ATG7: variants seen among roughly 807,000 people sequenced by gnomAD.
The protein encoded by ATG7 is ubiquitin-like modifier-activating enzyme ATG7.
In ATG7, 70 loss-of-function variants were observed where a neutral mutation model predicts 82.4. That is an observed-to-expected ratio of 0.85 (90% CI 0.70 to 1.04). ATG7 has a LOEUF of 1.04. Among genes scored for constraint, ATG7 ranks in the 50% least tolerant of loss-of-function variants. The probability of loss-of-function intolerance (pLI) is 0.00; values close to 1 mark genes in which losing one functional copy is unlikely to be tolerated. For missense variants in ATG7, 792 were observed against 864.3 expected, an observed-to-expected ratio of 0.92 and a Z score of 1.05; for synonymous variants, 287 against 313.0, an observed-to-expected ratio of 0.92 and a Z score of 0.88.
intron 18 of ATG7, 81 bp from the exon 19 acceptor site, chr3:11,379,888 CTTG>C (rs1388264930): frequency 9.9e-5 from 134 of 1,350,830 alleles, no homozygotes; most frequent in East Asian, 8.3e-4. Flanking sequence ...TCATTTCCTA[CTTG>C]TTGTCAGAAA....
At chr3:11,383,265 T>C (rs540187074) in intron 19 of ATG7, among the ~76,000 whole-genome samples, 11 of 152,192 alleles carry the variant, frequency 7.2e-5, no homozygotes, top group Non-Finnish European at 8.8e-5. Context: ...CATCTTTCTT[T>C]ATCTTTCTTA....
At chr3:11,318,462 C>A (rs918064936) in intron 9 of ATG7, among the ~76,000 whole-genome samples, 1 of 152,206 alleles carries the variant, frequency 6.6e-6, no homozygotes, top group African/African-American at 2.4e-5. Context: ...TAGGAAAGAT[C>A]ACCAGAAGCC....
the ATG7 span, chr3:11,565,135 T>C: frequency 9.3e-7 from 1 of 1,075,000 alleles, no homozygotes; most frequent in South Asian, 2.4e-5. The surrounding 1 kb of genome is among the most constrained non-coding windows in gnomAD (Gnocchi z 4.1). Flanking sequence ...GCTCAGGTCG[T>C]GTGGCTGGGC....
intron 20 of ATG7, among the ~76,000 whole-genome samples, chr3:11,511,990 C>T (rs2092088434): frequency 1.3e-5 from 2 of 152,196 alleles, no homozygotes; most frequent in African/African-American, 4.8e-5. Flanking sequence ...TCCACACCTC[C>T]CTGCAAGCTG....
intron 9 of ATG7, among the ~76,000 whole-genome samples, chr3:11,316,428 C>T (rs1212546034): frequency 6.6e-6 from 1 of 152,226 alleles, no homozygotes; most frequent in Non-Finnish European, 1.5e-5. Flanking sequence ...CTTCCTAAAA[C>T]ATGTTCTACT....
intron 20 of ATG7, among the ~76,000 whole-genome samples, chr3:11,494,995 C>T (rs1364540246): frequency 1.3e-5 from 2 of 152,218 alleles, no homozygotes; most frequent in African/African-American, 2.4e-5. Context: ...TCGCTTGAAC[C>T]TGGGAGGTGG....
downstream of ATG7, among the ~76,000 whole-genome samples, chr3:11,562,624 C>T (rs978853190): frequency 2.0e-5 from 3 of 152,238 alleles, no homozygotes; most frequent in Non-Finnish European, 4.4e-5. Context: ...GAGCCCAGCT[C>T]GGATTGGTGT....
intron 11 of ATG7, among the ~76,000 whole-genome samples, chr3:11,338,686 A>G (rs893854884): frequency 6.6e-6 from 1 of 152,184 alleles, no homozygotes; most frequent in Non-Finnish European, 1.5e-5. Context: ...TTAATTTTTC[A>G]TGGCATTAAA....
chr3:11,521,967 T>C (rs1180799556), intron 20 of ATG7, among the ~76,000 whole-genome samples: 2 of 152,206 alleles, frequency 1.3e-5, no homozygotes, highest in Non-Finnish European at 2.9e-5. Flanking sequence ...CTCAACTCTT[T>C]ATGCCGTTGG....
the ATG7 span, among the ~76,000 whole-genome samples, chr3:11,563,737 C>T: frequency 6.6e-6 from 1 of 152,204 alleles, no homozygotes; most frequent in Non-Finnish European, 1.5e-5. Flanking sequence ...CTGGTACCCC[C>T]TGGCACACAG....
intron 20 of ATG7, among the ~76,000 whole-genome samples, chr3:11,467,759 C>T (rs754933719): frequency 6.6e-6 from 1 of 152,146 alleles, no homozygotes; most frequent in African/African-American, 2.4e-5. Flanking sequence ...CTGTCTACCA[C>T]CCCAGCCCCA....
intron 20 of ATG7, among the ~76,000 whole-genome samples, chr3:11,483,087 A>G (rs959500016): frequency 1.3e-5 from 2 of 152,178 alleles, no homozygotes; most frequent in African/African-American, 4.8e-5. Flanking sequence ...ATGCAAAATT[A>G]TCAGCTATTG....
intron 20 of ATG7, among the ~76,000 whole-genome samples, chr3:11,490,682 C>T (rs552515198): frequency 6.6e-6 from 1 of 152,036 alleles, no homozygotes; most frequent in Non-Finnish European, 1.5e-5. Flanking sequence ...GACAAAATCT[C>T]TCAGCATTTG....
At chr3:11,543,397 T>G (rs2071003235) in intron 20 of ATG7, among the ~76,000 whole-genome samples, 1 of 152,212 alleles carries the variant, frequency 6.6e-6, no homozygotes. Context: ...GTTTCCTTCT[T>G]GCTCCCATCT....
chr3:11,304,445 A>G (rs1168271230), intron 5 of ATG7: 2 of 152,312 alleles, frequency 1.3e-5, no homozygotes, highest in East Asian at 3.9e-4. Flanking sequence ...TCAGGAGATG[A>G]CAAAGAAGCA....
intron 19 of ATG7, among the ~76,000 whole-genome samples, chr3:11,420,500 ATGT>A (rs1436162434): frequency 6.6e-6 from 1 of 152,104 alleles, no homozygotes; most frequent in Admixed American, 6.6e-5. Context: ...TTATTCAAAG[ATGT>A]TGTCAATTTT....
chr3:11,429,695 C>G (rs2082690353), intron 20 of ATG7, among the ~76,000 whole-genome samples: 1 of 151,950 alleles, frequency 6.6e-6, no homozygotes, highest in Non-Finnish European at 1.5e-5. Flanking sequence ...TGCCTCTAAT[C>G]CTAGCACTTT....
chr3:11,343,485 C>T (rs1424057187), intron 13 of ATG7, among the ~76,000 whole-genome samples: 1 of 151,914 alleles, frequency 6.6e-6, no homozygotes, highest in Non-Finnish European at 1.5e-5. Flanking sequence ...TTTATTGGGG[C>T]AATTAACCTT....
chr3:11,537,280 CTG>C (rs771612446), intron 20 of ATG7, among the ~76,000 whole-genome samples: 45 of 152,282 alleles, frequency 3.0e-4, no homozygotes, highest in Middle Eastern at 6.8e-3. Context: ...TCTAAAAGAA[CTG>C]TTCCTCCATC....
Sources: allele counts gnomAD v4.1 joint callset (sites outside exome capture counted in the v4.1 genomes callset), GRCh38; gene constraint gnomAD v4.1.1; non-coding constraint Gnocchi (gnomAD v3.1); transcripts MANE v1.5; gene names NCBI Gene and HGNC (gene_info 2026-07-23, HGNC 2026-07-21).